The following GRM4 variants were observed in gnomAD, a reference collection of about 807,000 sequenced individuals.
The protein encoded by GRM4 is metabotropic glutamate receptor 4.
Under a neutral mutation model 81.7 loss-of-function variants are expected in GRM4, and 28 were observed. The observed-to-expected ratio is 0.34, with a 90% CI of 0.25 to 0.47. GRM4 has a LOEUF of 0.47. Ranked by LOEUF, GRM4 falls within the 20% of genes least tolerant of loss-of-function variation. The pLI is 1.00. For missense variants in GRM4, 948 were observed against 1,290.0 expected, an observed-to-expected ratio of 0.73 and a Z score of 4.06; for synonymous variants, 488 against 528.8, an observed-to-expected ratio of 0.92 and a Z score of 1.06.
At chr6:34,053,746 G>T (rs1365086132) in intron 6 of GRM4, among the ~76,000 whole-genome samples, 1 of 152,228 alleles carries the variant, frequency 6.6e-6, no homozygotes, top group African/African-American at 2.4e-5. Flanking sequence ...TGACGCTCAG[G>T]TTGCATCCAG....
chr6:34,071,351 C>CCA (rs756108710), intron 3 of GRM4, among the ~76,000 whole-genome samples: 1 of 118,126 alleles, frequency 8.5e-6, no homozygotes, highest in South Asian at 3.0e-4. Flanking sequence ...AAACACCGCA[C>CCA]CACACACACA....
intron 2 of GRM4, among the ~76,000 whole-genome samples, chr6:34,126,283 A>C (rs1770016920): frequency 6.6e-6 from 1 of 152,176 alleles, no homozygotes; most frequent in South Asian, 2.1e-4. Flanking sequence ...CAAAATAGGG[A>C]TAACAACTGT....
chr6:34,076,603 AG>A (rs1471376599), intron 3 of GRM4, among the ~76,000 whole-genome samples: 1 of 152,164 alleles, frequency 6.6e-6, no homozygotes, highest in African/African-American at 2.4e-5. Context: ...GCCTTGGTGG[AG>A]GGGGTGGTAA....
In GRM4 at chr6:34,028,132, G is replaced by C; in HGVS notation, c.2677C>G (p.Leu893Val). 6.2e-7 allele frequency: 1 copy of C among 1,612,424 alleles called. No homozygotes were observed. Among genetic ancestry groups the C allele is most frequent in the Non-Finnish European group, 8.5e-7 (1 of 1,179,092 alleles). The change falls in exon 10 of 11, where the codon CTT becomes GTT. Residue 893 changes from leucine to valine, a missense_variant. Transcript: ENST00000538487. The stretch of plus-strand genomic sequence containing the variant: ...GCCAGGCACTCACCTGGGGCCTCAA[G>C]GTTCTCGCAGAGCTCAGACTTGGCC... ...GEAKSELCENLEAPALATKQT... is the reference protein window; with the variant it reads ...GEAKSELCENVEAPALATKQT...
Position 34,092,829 on chromosome 6 carries a change from C to A in GRM4, c.520-730G>T, listed in dbSNP as rs1425704695. Among the ~76,000 whole-genome samples the A allele has an allele frequency of 1.3e-5, 2 of 151,930 alleles. No individual in the cohort carries two copies. Among genetic ancestry groups the A allele is most frequent in the African/African-American group, 4.8e-5 (2 of 41,352 alleles). On this transcript the variant is annotated intron_variant, in intron 2 of 10. Coordinates refer to ENST00000538487, the MANE Select transcript of GRM4 (RefSeq NM_000841.4). The surrounding 1 kb of genome is among the most constrained non-coding windows in gnomAD (Gnocchi z 6.8). ...CGGGGCATCTTCCCGCCTCCACAGG[C>A]CCCACCTGGACCCTCCCCAGGCAGG...
chr6:34,110,544 T>C (rs1174071894), intron 2 of GRM4: 6 of 565,976 alleles, frequency 1.1e-5, no homozygotes, highest in Non-Finnish European at 3.1e-6. Context: ...AATATCCTCC[T>C]TCACACCATC....
rs1290082391 is a variant in GRM4 at position 34,064,238 on chromosome 6, A to G, written c.737-2210T>C. Among the ~76,000 whole-genome samples the G allele has an allele frequency of 6.6e-6, 1 of 152,160 alleles. No individual in the cohort carries two copies. Among genetic ancestry groups the G allele is most frequent in the Admixed American group, 6.5e-5 (1 of 15,284 alleles). ...GGGTGTGCAGAGCTCCGTAATACTAATGAACATTTATGGAGTGTCCAATGC... is the reference window on the plus strand; with the variant it reads ...GGGTGTGCAGAGCTCCGTAATACTAGTGAACATTTATGGAGTGTCCAATGC... On this transcript the variant is annotated intron_variant, in intron 3 of 10. Coordinates refer to ENST00000538487, the MANE Select transcript of GRM4 (RefSeq NM_000841.4). This position sits in a 1 kb window ranked among gnomAD's most constrained non-coding sequence, Gnocchi z 4.4.
chr6:34,084,444 AC>A (rs1446223457), intron 3 of GRM4, among the ~76,000 whole-genome samples: 1 of 151,474 alleles, frequency 6.6e-6, no homozygotes, highest in African/African-American at 2.4e-5. Flanking sequence ...GGAAAACTCC[AC>A]CCCCGCCTGC....
intron 8 of GRM4, among the ~76,000 whole-genome samples, chr6:34,038,890 GA>G (rs1449337266): frequency 6.6e-6 from 1 of 152,234 alleles, no homozygotes; most frequent in Non-Finnish European, 1.5e-5. Flanking sequence ...GGAAAATGGG[GA>G]TAACTGCCTG....
intron 2 of GRM4, 140 bp downstream of exon 2, chr6:34,132,838 G>A (rs1770297293): frequency 1.5e-6 from 1 of 647,530 alleles, no homozygotes; most frequent in Non-Finnish European, 2.6e-6. Flanking sequence ...CTCAGACACT[G>A]CTCTGAGGAA....
Position 34,102,144 on chromosome 6 carries a change from G to A in GRM4, c.520-10045C>T, listed in dbSNP as rs748870645. The A allele has an allele frequency of 8.5e-6, 13 of 1,535,348 alleles. No homozygotes were observed. In the South Asian group the frequency reaches 1.1e-4, roughly 13 times the overall value. ...ATCTTGCAGCCAGCCGGAAGGACTG[G>A]GGCATTTAAGGTGTGCAGGGGACAG... On this transcript the variant is annotated intron_variant, in intron 2 of 10. Transcript: ENST00000538487.
rs758452357 is a variant in GRM4 at position 34,022,618 on chromosome 6, G to A, written c.*203C>T. 4.0e-5 allele frequency: 24 copies of A among 597,732 alleles called. No homozygotes were observed. The highest frequency in any genetic ancestry group is 6.0e-5 in the Non-Finnish European group (20 of 333,302). 37.0% of individuals were successfully genotyped at this position (597,732 alleles called of 1,614,324 possible). A position where few individuals can be genotyped will look rare whatever the true frequency, so the allele number is the denominator to read the frequency against. On this transcript the variant is annotated 3_prime_UTR_variant, in exon 11 of 11. Transcript: ENST00000538487. The surrounding 1 kb of genome is among the most constrained non-coding windows in gnomAD (Gnocchi z 5.6). ...TCTTGTGGTAGCCTGGCACCGCCCC[G>A]GCCCCTCGTCCTCCTGTTGCTCACC...
At position 34,022,841 on chromosome 6, in the gene GRM4, A is replaced by G; in HGVS notation, c.2719T>C (p.Tyr907His). ...ALATKQTYVT[Y>H]TNHAI Reference sequence around the variant, plus strand: ...ACTCGCTAGATTGCATGGTTGGTGTAAGTGACGTAAGTCTGTTTGGTGGCC... The same window carrying G: ...ACTCGCTAGATTGCATGGTTGGTGTGAGTGACGTAAGTCTGTTTGGTGGCC... Residue 907 changes from tyrosine to histidine, a missense_variant, in exon 11 of 11, where the codon TAC becomes CAC. Physicochemically the swap from Tyr to His is moderately conservative, Grantham distance 83 (BLOSUM62 2). Coordinates refer to ENST00000538487, the MANE Select transcript of GRM4 (RefSeq NM_000841.4). This position sits in a 1 kb window ranked among gnomAD's most constrained non-coding sequence, Gnocchi z 5.6. 1 of 1,613,974 alleles carries G rather than the reference A, an allele frequency of 6.2e-7. No homozygotes were observed. The highest frequency in any genetic ancestry group is 1.1e-5 in the South Asian group (1 of 91,074).
chr6:34,117,793 C>T (rs1456804849), intron 2 of GRM4, among the ~76,000 whole-genome samples: 3 of 152,208 alleles, frequency 2.0e-5, no homozygotes, highest in Middle Eastern at 3.2e-3. Flanking sequence ...TCCTGCTCCT[C>T]ACCACCCAGC....
exon 1 of GRM4, chr6:34,155,191 C>G (rs1451607338): frequency 1.3e-6 from 2 of 1,535,620 alleles, no homozygotes; most frequent in African/African-American, 2.7e-5. Context: ...CACCTGCTCT[C>G]CTGGCAGGGA....
In GRM4 at chr6:34,036,674, G is replaced by T; in HGVS notation, c.1507-71C>A. On this transcript the variant is annotated intron_variant, in intron 8 of 10. Coordinates refer to ENST00000538487, the MANE Select transcript of GRM4 (RefSeq NM_000841.4). The surrounding 1 kb of genome is among the most constrained non-coding windows in gnomAD (Gnocchi z 9.0). ...GGTGCCCCGGACCATCCTACTGGGT[G>T]GTGGCACCTTGTAGCCCCACACTCA... 1.2e-6 allele frequency: 1 copy of T among 840,546 alleles called. No homozygotes were observed. The highest frequency in any genetic ancestry group is 2.5e-5 in the East Asian group (1 of 39,766). 52.1% of individuals were successfully genotyped at this position (840,546 alleles called of 1,614,324 possible). A position where few individuals can be genotyped will look rare whatever the true frequency, so the allele number is the denominator to read the frequency against.
chr6:34,079,908 G>T (rs1767498414), intron 3 of GRM4, among the ~76,000 whole-genome samples: 1 of 151,968 alleles, frequency 6.6e-6, no homozygotes, highest in African/African-American at 2.4e-5. Flanking sequence ...TCTATTCCCT[G>T]CACAACAGCC....
chr6:34,056,436 G>T, intron 6 of GRM4, 108 bp downstream of exon 6: 2 of 998,624 alleles, frequency 2.0e-6, no homozygotes, highest in South Asian at 3.2e-5. Context: ...GTCCTGCCAC[G>T]GCCGGCCGAC....
chr6:34,122,071 GGA>G (rs1399810352), intron 2 of GRM4, among the ~76,000 whole-genome samples: 1 of 152,124 alleles, frequency 6.6e-6, no homozygotes, highest in Non-Finnish European at 1.5e-5. Flanking sequence ...CAGCCAAGTA[GGA>G]GAGAGGCTGG....
Sources: allele counts gnomAD v4.1 joint callset (sites outside exome capture counted in the v4.1 genomes callset), GRCh38; gene constraint gnomAD v4.1.1; non-coding constraint Gnocchi (gnomAD v3.1); transcripts MANE v1.5; gene names NCBI Gene and HGNC (gene_info 2026-07-23, HGNC 2026-07-21).